ARHGAP1: variants seen among roughly 807,000 people sequenced by gnomAD.
The protein encoded by ARHGAP1 is rho GTPase-activating protein 1.
ARHGAP1 carries 23 observed loss-of-function variants against 52.2 expected under a neutral mutation model. That is an observed-to-expected ratio of 0.44 (90% CI 0.32 to 0.62). The LOEUF (loss-of-function observed/expected upper bound fraction) is 0.62, where lower values mean the gene tolerates loss of function less well. ARHGAP1 is among the 20% of genes least tolerant of loss of function. ARHGAP1 has a pLI of 0.05. For missense variants in ARHGAP1, 480 were observed against 560.9 expected (o/e 0.86, Z 1.46); for synonymous variants, 210 against 228.4 (o/e 0.92, Z 0.73).
chr11:46,683,624 G>A (rs182658103), intron 4 of ARHGAP1, among the ~76,000 whole-genome samples: 63 of 151,492 alleles, frequency 4.2e-4, no homozygotes, highest in African/African-American at 1.5e-3. Context: ...AGGGAAGGGA[G>A]TGTGTGTAAA....
intron 3 of ARHGAP1, among the ~76,000 whole-genome samples, chr11:46,694,715 G>A (rs1031222738): frequency 3.3e-5 from 5 of 152,224 alleles, no homozygotes; most frequent in Non-Finnish European, 5.9e-5. Flanking sequence ...GCTTCTGCAG[G>A]GGGTGAATGA....
intron 3 of ARHGAP1, chr11:46,695,187 T>G (rs1464064342): frequency 2.9e-6 from 1 of 342,266 alleles, no homozygotes; most frequent in South Asian, 2.3e-5. Context: ...CTGCCAGGAA[T>G]CTGGTGCTCC....
At chr11:46,699,117 T>A (rs2064679229) in intron 1 of ARHGAP1, among the ~76,000 whole-genome samples, 2 of 152,242 alleles carry the variant, frequency 1.3e-5, no homozygotes, top group African/African-American at 2.4e-5. Context: ...CTGAAATTGG[T>A]AACATGTGTG....
In ARHGAP1 at chr11:46,677,621, T is replaced by G; in HGVS notation, c.*1416A>C. ...GTGTAATTCTACGAGACAGTGGGAG[T>G]GAGATCAGCCATCACTGGGGCCGAG... On this transcript the variant is annotated 3_prime_UTR_variant, in exon 13 of 13. Coordinates refer to ENST00000311956, the MANE Select transcript of ARHGAP1 (RefSeq NM_004308.5). The G allele has an allele frequency of 4.7e-6, 1 of 213,566 alleles. No individual in the cohort carries two copies. The highest frequency in any genetic ancestry group is 9.6e-6 in the Non-Finnish European group (1 of 103,854). 13.2% of individuals were successfully genotyped at this position (213,566 alleles called of 1,614,324 possible).
In ARHGAP1 at chr11:46,678,748, T is replaced by G; in HGVS notation, c.*289A>C. On this transcript the variant is annotated 3_prime_UTR_variant, in exon 13 of 13. Coordinates refer to ENST00000311956, the MANE Select transcript of ARHGAP1 (RefSeq NM_004308.5). Reference sequence around the variant, plus strand: ...GAGGCAGGAAAAAGCAGGAAAGGGGTTACTGGGGCTCAGTCCTTCTCCAGC... The same window carrying G: ...GAGGCAGGAAAAAGCAGGAAAGGGGGTACTGGGGCTCAGTCCTTCTCCAGC... The G allele has an allele frequency of 2.4e-6, 1 of 422,540 alleles. No homozygotes were observed. 26.2% of individuals were successfully genotyped at this position (422,540 alleles called of 1,614,324 possible). A position where few individuals can be genotyped will look rare whatever the true frequency, so the allele number is the denominator to read the frequency against.
intron 1 of ARHGAP1, chr11:46,697,379 G>C (rs2064664414): frequency 6.6e-6 from 1 of 152,210 alleles, no homozygotes; most frequent in Non-Finnish European, 1.5e-5. Context: ...TCCATGTCCA[G>C]CTGCATTCCT....
chr11:46,699,476 G>A (rs555474277), intron 1 of ARHGAP1, among the ~76,000 whole-genome samples: 34 of 152,168 alleles, frequency 2.2e-4, no homozygotes, highest in Non-Finnish European at 2.9e-4. Context: ...AGGCCGAGGC[G>A]GGCGGATCAC....
chr11:46,684,231 G>A (rs1005041097), intron 4 of ARHGAP1, among the ~76,000 whole-genome samples: 9 of 152,252 alleles, frequency 5.9e-5, no homozygotes, highest in African/African-American at 2.2e-4. Context: ...TTTACAAAGA[G>A]CTGTCGCATA....
chr11:46,685,969 C>T (rs1166195006), intron 4 of ARHGAP1, among the ~76,000 whole-genome samples: 10 of 146,322 alleles, frequency 6.8e-5, no homozygotes, highest in South Asian at 2.2e-4. Context: ...CCACCGTACC[C>T]GGACTTTTTT....
chr11:46,693,788 T>A (rs1042338546), intron 3 of ARHGAP1, among the ~76,000 whole-genome samples: 1 of 152,046 alleles, frequency 6.6e-6, no homozygotes, highest in Non-Finnish European at 1.5e-5. Flanking sequence ...AGCTCACACA[T>A]TTGTTAAGCT....
intron 4 of ARHGAP1, 195 bp downstream of exon 4, chr11:46,687,978 A>C: frequency 1.8e-6 from 1 of 547,718 alleles, no homozygotes; most frequent in Non-Finnish European, 3.2e-6. Context: ...ACCCAGCTTC[A>C]ATAACTAGAA....
rs977733006 is a variant in ARHGAP1 at position 46,681,088 on chromosome 11, G to C, written c.558C>G (p.Ile186Met). The C allele has an allele frequency of 1.2e-6, 2 of 1,614,150 alleles. No homozygotes were observed. The highest frequency in any genetic ancestry group is 8.5e-7 in the Non-Finnish European group (1 of 1,180,028). Reference protein sequence around the residue: ...PLISFKFGQKIFYVNYLSELS... With the variant: ...PLISFKFGQKMFYVNYLSELS... Reference sequence around the variant, plus strand: ...GCTCGCTCAGGTAATTCACATAGAAGATCTTCTGCCCGAACTTGAAGCTGT... The same window carrying C: ...GCTCGCTCAGGTAATTCACATAGAACATCTTCTGCCCGAACTTGAAGCTGT... The change falls in exon 7 of 13, where the codon ATC becomes ATG. Residue 186 changes from isoleucine to methionine, a missense_variant. By Grantham distance (10) the Ile-to-Met change is conservative (BLOSUM62 1). Transcript: ENST00000311956. This position sits in a 1 kb window ranked among gnomAD's most constrained non-coding sequence, Gnocchi z 5.7.
intron 4 of ARHGAP1, among the ~76,000 whole-genome samples, chr11:46,682,433 C>T (rs568046069): frequency 6.6e-6 from 1 of 152,334 alleles, no homozygotes; most frequent in South Asian, 2.1e-4. Flanking sequence ...CCTGTAATCC[C>T]AACACTTTGG....
In ARHGAP1 at chr11:46,700,597, A is replaced by G; in HGVS notation, c.-96T>C. 1 of 209,078 alleles carries G rather than the reference A, an allele frequency of 4.8e-6. No individual in the cohort carries two copies. The highest frequency in any genetic ancestry group is 1.1e-4 in the East Asian group (1 of 9,364). The allele number at this position is 209,078 out of a possible 1,614,324, so 13.0% of individuals were successfully genotyped here. A position where few individuals can be genotyped will look rare whatever the true frequency, so the allele number is the denominator to read the frequency against. The stretch of plus-strand genomic sequence containing the variant: ...CTGCCACGCCTGTCAAGGCTCGGCA[A>G]ACATCCGGCTCCGCGGTGGAACGGG... On this transcript the variant is annotated 5_prime_UTR_variant, in exon 1 of 13. Coordinates refer to ENST00000311956, the MANE Select transcript of ARHGAP1 (RefSeq NM_004308.5).
intron 3 of ARHGAP1, among the ~76,000 whole-genome samples, chr11:46,689,392 A>G (rs1365606366): frequency 1.3e-5 from 2 of 152,156 alleles, no homozygotes; most frequent in Admixed American, 6.5e-5. Flanking sequence ...CTTAGTGGGT[A>G]CAGCATTTGG....
intron 3 of ARHGAP1, chr11:46,695,197 C>T (rs1245124860): frequency 2.9e-6 from 1 of 344,084 alleles, no homozygotes; most frequent in South Asian, 2.3e-5. Context: ...TCTGGTGCTC[C>T]AGGGAGCCAT....
chr11:46,699,576 G>A (rs1220493627), intron 1 of ARHGAP1, among the ~76,000 whole-genome samples: 2 of 131,882 alleles, frequency 1.5e-5, no homozygotes, highest in Non-Finnish European at 3.3e-5. Flanking sequence ...GGTGGCGCGC[G>A]CCTGTACTCC....
Position 46,679,919 on chromosome 11 carries a change from C to T in ARHGAP1, c.899-143G>A. ...AGGGGCGCCCTCTGACACCTGCCTC[C>T]CTCTTCCTCTGTGATCAGAGAATGC... is the stretch of plus-strand genomic sequence containing the variant. On this transcript the variant is annotated intron_variant, in intron 10 of 12. Transcript: ENST00000311956. This position sits in a 1 kb window ranked among gnomAD's most constrained non-coding sequence, Gnocchi z 4.4. 1 of 1,314,010 alleles carries T rather than the reference C, an allele frequency of 7.6e-7. No homozygotes were observed. The highest frequency in any genetic ancestry group is 1.0e-6 in the Non-Finnish European group (1 of 975,770). The allele number at this position is 1,314,010 out of a possible 1,614,324, so 81.4% of individuals were successfully genotyped here. A position where few individuals can be genotyped will look rare whatever the true frequency, so the allele number is the denominator to read the frequency against.
chr11:46,696,283 C>G lies in ARHGAP1; in HGVS notation c.-49-127G>C. 2 of 641,000 alleles carry G rather than the reference C, an allele frequency of 3.1e-6. No individual in the cohort carries two copies. The highest frequency in any genetic ancestry group is 3.0e-5 in the Admixed American group (1 of 33,388). 39.7% of individuals were successfully genotyped at this position (641,000 alleles called of 1,614,324 possible). A position where few individuals can be genotyped will look rare whatever the true frequency, so the allele number is the denominator to read the frequency against. ...CTCCCTGTCCCTATTCCTCAACACTCCTCATCCCCGCCAAGAGCTCCACGT... is the reference window on the plus strand; with the variant it reads ...CTCCCTGTCCCTATTCCTCAACACTGCTCATCCCCGCCAAGAGCTCCACGT... On this transcript the variant is annotated intron_variant, in intron 1 of 12. Transcript: ENST00000311956. This position sits in a 1 kb window ranked among gnomAD's most constrained non-coding sequence, Gnocchi z 4.8.
Sources: allele counts gnomAD v4.1 joint callset (sites outside exome capture counted in the v4.1 genomes callset), GRCh38; gene constraint gnomAD v4.1.1; non-coding constraint Gnocchi (gnomAD v3.1); transcripts MANE v1.5; gene names NCBI Gene and HGNC (gene_info 2026-07-23, HGNC 2026-07-21).